DLEU7: variants seen among roughly 807,000 people sequenced by gnomAD.
DLEU7 encodes the protein deleted in lymphocytic leukemia 7.
A neutral mutation model predicts 16.0 loss-of-function variants in DLEU7; 17 were observed. That is an observed-to-expected ratio of 1.06 (90% CI 0.73 to 1.59). DLEU7 has a LOEUF of 1.59. DLEU7 is among the 40% of genes most tolerant of loss of function. The pLI is 0.00. For missense variants in DLEU7, 308 were observed against 314.9 expected, an observed-to-expected ratio of 0.98 and a Z score of 0.17; for synonymous variants, 113 against 139.8, an observed-to-expected ratio of 0.81 and a Z score of 1.35.
intron 1 of DLEU7, among the ~76,000 whole-genome samples, chr13:50,732,588 C>T (rs1046600014): frequency 9.1e-6 from 1 of 110,052 alleles, no homozygotes; most frequent in Non-Finnish European, 1.7e-5. Flanking sequence ...GCCCAGGCAA[C>T]AGTATGAGAC....
chr13:50,750,704 A>G (rs1417724980), intron 1 of DLEU7, among the ~76,000 whole-genome samples: 1 of 152,070 alleles, frequency 6.6e-6, no homozygotes, highest in Non-Finnish European at 1.5e-5. Context: ...GTTTGCAGCT[A>G]TCGTAAAAGG....
chr13:50,745,608 A>G (rs557354539), intron 1 of DLEU7, among the ~76,000 whole-genome samples: 3 of 152,300 alleles, frequency 2.0e-5, no homozygotes, highest in African/African-American at 7.2e-5. Context: ...TTCTTCCTAT[A>G]ATATCCTTGT....
At chr13:50,813,886 T>C (rs1216235330) in intron 1 of DLEU7, among the ~76,000 whole-genome samples, 2 of 152,110 alleles carry the variant, frequency 1.3e-5, no homozygotes, top group African/African-American at 2.4e-5. Flanking sequence ...AAGGGATCTC[T>C]TGTGAAGTGA....
intron 1 of DLEU7, among the ~76,000 whole-genome samples, chr13:50,719,054 T>C (rs1046710045): frequency 1.3e-5 from 2 of 152,200 alleles, no homozygotes; most frequent in South Asian, 2.1e-4. Context: ...GGAAACAAAC[T>C]GGAGAAACAG....
intron 1 of DLEU7, among the ~76,000 whole-genome samples, chr13:50,725,818 A>AT (rs555169790): frequency 0.045 from 6,692 of 149,994 alleles, 186 homozygotes; most frequent in Non-Finnish European, 0.061. Context: ...CAACCAGTGG[A>AT]TTTTTTTTTT....
intron 1 of DLEU7, among the ~76,000 whole-genome samples, chr13:50,759,647 G>A (rs1025389363): frequency 1.3e-5 from 2 of 152,186 alleles, no homozygotes; most frequent in African/African-American, 4.8e-5. Flanking sequence ...GGCCCCCAGT[G>A]TCACTCTCTT....
chr13:50,742,388 G>T (rs908422539), intron 1 of DLEU7, among the ~76,000 whole-genome samples: 2 of 152,038 alleles, frequency 1.3e-5, no homozygotes, highest in African/African-American at 4.8e-5. Context: ...TCTTTTTTAT[G>T]TTTAAAGAAA....
intron 1 of DLEU7, among the ~76,000 whole-genome samples, chr13:50,740,979 A>T (rs1874234965): frequency 6.6e-6 from 1 of 151,902 alleles, no homozygotes; most frequent in African/African-American, 2.4e-5. Flanking sequence ...TCCTCTCTAC[A>T]CTGTGGGCAA....
At chr13:50,805,782 T>A (rs1225140490) in intron 1 of DLEU7, among the ~76,000 whole-genome samples, 1 of 152,182 alleles carries the variant, frequency 6.6e-6, no homozygotes, top group Non-Finnish European at 1.5e-5. Flanking sequence ...GACACACCCT[T>A]ATTGCTAGAG....
chr13:50,715,392 G>C (rs1593524302), intron 1 of DLEU7: 1 of 152,226 alleles, frequency 6.6e-6, no homozygotes, highest in Non-Finnish European at 1.5e-5. Context: ...CTTTGGTGGG[G>C]GCCTTATTCA....
At chr13:50,809,054 G>T (rs1876483292) in intron 1 of DLEU7, among the ~76,000 whole-genome samples, 1 of 152,050 alleles carries the variant, frequency 6.6e-6, no homozygotes, top group Non-Finnish European at 1.5e-5. Context: ...AATTCCACAT[G>T]TCAAGAAGCT....
At chr13:50,742,860 C>T (rs892697997) in intron 1 of DLEU7, among the ~76,000 whole-genome samples, 12 of 152,198 alleles carry the variant, frequency 7.9e-5, no homozygotes, top group Admixed American at 6.5e-4. Context: ...ACAGGTGACC[C>T]ATGGGCTGAA....
chr13:50,815,030 G>T (rs143501495), intron 1 of DLEU7, among the ~76,000 whole-genome samples: 10 of 151,946 alleles, frequency 6.6e-5, no homozygotes, highest in African/African-American at 2.4e-4. Context: ...GTAAAAAATG[G>T]AGATATAGTT....
chr13:50,802,803 T>A (rs571623042), intron 1 of DLEU7, among the ~76,000 whole-genome samples: 2 of 152,198 alleles, frequency 1.3e-5, no homozygotes, highest in Non-Finnish European at 2.9e-5. Flanking sequence ...GTTTTATATG[T>A]CTGTACATGT....
At chr13:50,786,825 T>C (rs184111073) in intron 1 of DLEU7, among the ~76,000 whole-genome samples, 12 of 152,282 alleles carry the variant, frequency 7.9e-5, no homozygotes, top group Non-Finnish European at 1.0e-4. Context: ...CAGAGAAATA[T>C]TAGGATAAGA....
intron 1 of DLEU7, among the ~76,000 whole-genome samples, chr13:50,761,711 G>A (rs1874937176): frequency 6.6e-6 from 1 of 152,148 alleles, no homozygotes; most frequent in South Asian, 2.1e-4. Flanking sequence ...CAATCTGACT[G>A]CCAGAGGCAT....
At chr13:50,835,384 CA>C (rs1877421935) in intron 1 of DLEU7, among the ~76,000 whole-genome samples, 1 of 152,120 alleles carries the variant, frequency 6.6e-6, no homozygotes, top group Non-Finnish European at 1.5e-5. Flanking sequence ...AGCACTAAAC[CA>C]GTTTTGGGGA....
intron 1 of DLEU7, among the ~76,000 whole-genome samples, chr13:50,730,075 T>C (rs1031428221): frequency 1.3e-5 from 2 of 151,948 alleles, no homozygotes; most frequent in African/African-American, 4.8e-5. Context: ...AGCGAAAATA[T>C]ATTTACTATT....
At chr13:50,730,154 G>C (rs1368792597) in intron 1 of DLEU7, among the ~76,000 whole-genome samples, 2 of 151,718 alleles carry the variant, frequency 1.3e-5, no homozygotes, top group Admixed American at 6.6e-5. Context: ...AGGCTGCGGA[G>C]GAGGAGGCAG....
Sources: gnomAD v4.1 joint callset for allele counts (sites outside exome capture counted in the v4.1 genomes callset) on GRCh38, gnomAD v4.1.1 for gene constraint, MANE v1.5 for transcripts, NCBI Gene and HGNC (gene_info 2026-07-23, HGNC 2026-07-21) for gene names.